Variants in CHD6 observed in about 807,000 individuals in gnomAD.
CHD6 encodes chromodomain helicase DNA binding protein 6.
A neutral mutation model predicts 276.9 loss-of-function variants in CHD6; 50 were observed. That is an observed-to-expected ratio of 0.18 (90% confidence interval 0.14 to 0.23). The LOEUF (loss-of-function observed/expected upper bound fraction) is 0.23, where lower values mean the gene tolerates loss of function less well. Ranked by LOEUF, CHD6 falls within the 10% of genes least tolerant of loss-of-function variation. CHD6 has a pLI of 1.00. For missense variants in CHD6, 2,564 were observed against 3,365.8 expected (o/e 0.76, Z 5.89); for synonymous variants, 1,173 against 1,229.3 (o/e 0.95, Z 0.96).
intron 17 of CHD6, among the ~76,000 whole-genome samples, chr20:41,467,944 C>T (rs2042965130): frequency 6.6e-6 from 1 of 152,104 alleles, no homozygotes; most frequent in South Asian, 2.1e-4. Context: ...GCCGCCTATT[C>T]ACATCCCACT....
At chr20:41,579,117 G>T (rs1463406884) in intron 1 of CHD6, among the ~76,000 whole-genome samples, 5 of 115,782 alleles carry the variant, frequency 4.3e-5, no homozygotes, top group African/African-American at 1.9e-4. Flanking sequence ...GCAACAGAAC[G>T]AGACTCCATC....
intron 1 of CHD6, among the ~76,000 whole-genome samples, chr20:41,596,000 C>T (rs535421365): frequency 6.6e-6 from 1 of 152,238 alleles, no homozygotes; most frequent in South Asian, 2.1e-4. Context: ...ATCCCTACCC[C>T]CAAGCAGTCT....
In CHD6 at chr20:41,533,095, C is replaced by T; in HGVS notation, c.509G>A (p.Arg170Lys). 1 of 1,612,264 alleles carries T rather than the reference C, an allele frequency of 6.2e-7. No individual in the cohort carries two copies. The highest frequency in any genetic ancestry group is 8.5e-7 in the Non-Finnish European group (1 of 1,179,488). ...CCTGGCTGCAGAGTCAGTGCAGCTC[C>T]TCTTCTCTTTGGCCTCCTTGGTGCC... ...ASGTKEAKEK[R>K]SCTDSAARTK... The change falls in exon 3 of 37, where the codon AGG (arginine) becomes AAG (lysine). Residue 170 changes from arginine to lysine, a missense_variant. Coordinates refer to ENST00000373233, the MANE Select transcript of CHD6 (RefSeq NM_032221.5).
intron 1 of CHD6, among the ~76,000 whole-genome samples, chr20:41,560,131 AC>A (rs942327332): frequency 3.3e-5 from 5 of 151,844 alleles, no homozygotes; most frequent in African/African-American, 9.7e-5. Flanking sequence ...CATGTCTCCT[AC>A]CCTCACCCCC....
chr20:41,429,261 C>T (rs2047459193), intron 27 of CHD6, among the ~76,000 whole-genome samples: 1 of 152,220 alleles, frequency 6.6e-6, no homozygotes, highest in Non-Finnish European at 1.5e-5. Flanking sequence ...ATTTTGTTTA[C>T]AATTTCAGGC....
chr20:41,529,039 TA>T, intron 3 of CHD6, among the ~76,000 whole-genome samples: 1 of 152,290 alleles, frequency 6.6e-6, no homozygotes, highest in South Asian at 2.1e-4. Context: ...TAGCAAAACA[TA>T]AAAGACACAC....
At position 41,493,519 on chromosome 20, in the gene CHD6, A is replaced by T. The variant is rs2145874895; in HGVS notation, c.1314+19T>A. 1 of 1,612,002 alleles carries T rather than the reference A, an allele frequency of 6.2e-7. No homozygotes were observed. The highest frequency in any genetic ancestry group is 2.2e-5 in the East Asian group (1 of 44,824). The stretch of plus-strand genomic sequence containing the variant: ...TTACATGTTCCGAGAAGTGCCAGAG[A>T]GAGACAAAACTACTTTACCACATGC... On this transcript the variant is annotated intron_variant, in intron 10 of 36. Coordinates refer to ENST00000373233, the MANE Select transcript of CHD6 (RefSeq NM_032221.5).
chr20:41,453,041 G>GC, intron 20 of CHD6, 99 bp from the exon 21 acceptor site: 1 of 912,284 alleles, frequency 1.1e-6, no homozygotes, highest in Non-Finnish European at 1.7e-6. Context: ...ATAGAACCAT[G>GC]CCCCGTCTCA....
chr20:41,473,244 T>C lies in CHD6; in HGVS notation c.2664+78A>G. On this transcript the variant is annotated intron_variant, in intron 17 of 36. Coordinates refer to ENST00000373233, the MANE Select transcript of CHD6 (RefSeq NM_032221.5). This position sits in a 1 kb window ranked among gnomAD's most constrained non-coding sequence, Gnocchi z 4.1. ...ATAGCATAGAGCATCACGGATGCTC[T>C]GTAGCCAAGCCAGGCCCTATCATGA... The C allele has an allele frequency of 7.0e-7, 1 of 1,422,706 alleles. No homozygotes were observed. Among genetic ancestry groups the C allele is most frequent in the Non-Finnish European group, 9.7e-7 (1 of 1,029,268 alleles). 88.1% of individuals were successfully genotyped at this position (1,422,706 alleles called of 1,614,324 possible). A position where few individuals can be genotyped will look rare whatever the true frequency, so the allele number is the denominator to read the frequency against.
chr20:41,415,589 C>T lies in CHD6; in HGVS notation c.6536G>A (p.Arg2179His), dbSNP rs1382787353. Residue 2179 changes from arginine (R) to histidine (H), a missense_variant, in exon 34 of 37, where the codon CGT becomes CAT. This residue lies in a region of CHD6 where 1,024 missense variants were observed against 1,047.9 expected (regional missense o/e 0.98). Coordinates refer to ENST00000373233, the MANE Select transcript of CHD6 (RefSeq NM_032221.5). ...VFTKDEQKHRRPYEFEVERDA... is the reference protein window; with the variant it reads ...VFTKDEQKHRHPYEFEVERDA... ...CCTCTCCACCTCAAACTCATAGGGA[C>T]GCCTGTGCTTTTGTTCATCCTTTGT... 1.7e-5 allele frequency: 27 copies of T among 1,611,420 alleles called. No individual in the cohort carries two copies. The highest frequency in any genetic ancestry group is 5.5e-5 in the South Asian group (5 of 90,616).
chr20:41,416,205 T>C (rs775025222), intron 33 of CHD6, among the ~76,000 whole-genome samples: 15 of 152,208 alleles, frequency 9.9e-5, no homozygotes, highest in Non-Finnish European at 1.9e-4. Context: ...CACTGTTCCA[T>C]TCATGCTTCC....
intron 5 of CHD6, among the ~76,000 whole-genome samples, chr20:41,501,642 C>T (rs1021643618): frequency 4.6e-5 from 7 of 152,096 alleles, no homozygotes; most frequent in Admixed American, 4.6e-4. Flanking sequence ...AAAATATGCT[C>T]ATTTATCTTG....
At chr20:41,439,461 A>T (rs966142641) in intron 26 of CHD6, among the ~76,000 whole-genome samples, 2 of 152,348 alleles carry the variant, frequency 1.3e-5, no homozygotes, top group East Asian at 3.9e-4. Flanking sequence ...AGTAAATAAA[A>T]ATCAGTCAAA....
intron 36 of CHD6, among the ~76,000 whole-genome samples, chr20:41,405,879 C>G (rs1235892168): frequency 1.3e-5 from 2 of 152,168 alleles, no homozygotes; most frequent in East Asian, 3.8e-4. Flanking sequence ...CAGATCCCAA[C>G]ACTTGCCTTC....
At position 41,484,356 on chromosome 20, in the gene CHD6, G is replaced by T; in HGVS notation, c.2253C>A (p.Ile751=). The change falls in exon 15 of 37, where the codon ATC becomes ATA. Residue 751 remains isoleucine (I), a synonymous_variant. Coordinates refer to ENST00000373233, the MANE Select transcript of CHD6 (RefSeq NM_032221.5). ...LRKCCNHPYL[I]NGAEEKILED... is the part of the protein sequence containing the mutation. ...TTCCTAGTGCCCCTGACTCACCATT[G>T]ATCAGGTAGGGATGGTTACAGCACT... The T allele has an allele frequency of 6.2e-7, 1 of 1,613,686 alleles. No homozygotes were observed. Among genetic ancestry groups the T allele is most frequent in the South Asian group, 1.1e-5 (1 of 91,026 alleles).
intron 16 of CHD6, among the ~76,000 whole-genome samples, chr20:41,479,351 T>C (rs139162128): frequency 0.01 from 1,546 of 152,236 alleles, 11 homozygotes; most frequent in Non-Finnish European, 0.016. Flanking sequence ...GCAGGATGAA[T>C]CCCAATGATC....
At chr20:41,490,168 A>G (rs1600993194) in intron 11 of CHD6, 147 bp from the exon 12 acceptor site, 2 of 731,474 alleles carry the variant, frequency 2.7e-6, no homozygotes, top group East Asian at 5.1e-5. Flanking sequence ...GAGGTTAGTT[A>G]TTATTATTAT....
chr20:41,612,886 C>A lies in CHD6; in HGVS notation c.-24+5454G>T, dbSNP rs549006266. On this transcript the variant is annotated intron_variant, in intron 1 of 36. Transcript: ENST00000373233. ...TAAACAAAATAAACTGATTTTTCTT[C>A]TATTCAACTTCTGGTCTGGCCCAAC... Among the ~76,000 whole-genome samples, 126 of 152,132 alleles carry A rather than the reference C, an allele frequency of 8.3e-4. 1 individual carries two copies. Among genetic ancestry groups the A allele is most frequent in the African/African-American group, 2.9e-3 (121 of 41,510 alleles).
At chr20:41,415,713 G>C (rs924493836) in intron 33 of CHD6, 75 bp from the exon 34 acceptor site, 2 of 1,109,966 alleles carry the variant, frequency 1.8e-6, no homozygotes, top group Non-Finnish European at 2.6e-6. Context: ...CTCCAGGCCT[G>C]ATTTCCCTAG....
Sources: allele counts gnomAD v4.1 joint callset (sites outside exome capture counted in the v4.1 genomes callset), GRCh38; gene constraint gnomAD v4.1.1; regional missense constraint gnomAD v4.1.1; non-coding constraint Gnocchi (gnomAD v3.1); transcripts MANE v1.5; gene names NCBI Gene and HGNC (gene_info 2026-07-23, HGNC 2026-07-21).